Variants in DNM3 observed in about 807,000 individuals in gnomAD.
DNM3 encodes dynamin-3.
In DNM3, 47 loss-of-function variants were observed where a neutral mutation model predicts 101.6. The observed-to-expected ratio is 0.46, with a 90% confidence interval of 0.37 to 0.59. The LOEUF is 0.59. Ranked by LOEUF, DNM3 falls within the 20% of genes least tolerant of loss-of-function variation. The probability of loss-of-function intolerance (pLI) is 0.00; values close to 1 mark genes in which losing one functional copy is unlikely to be tolerated. For synonymous variants in DNM3, 385 were observed against 387.9 expected (o/e 0.99, Z 0.09); for missense variants, 849 against 1,085.7 (o/e 0.78, Z 3.06).
At chr1:171,980,568 AC>A (rs1203006502) in intron 2 of DNM3, among the ~76,000 whole-genome samples, 5 of 152,188 alleles carry the variant, frequency 3.3e-5, no homozygotes, top group African/African-American at 9.6e-5. Flanking sequence ...ATCTAGCTGT[AC>A]TTTTGTATCT....
chr1:172,336,468 C>T (rs1299371869), intron 17 of DNM3, among the ~76,000 whole-genome samples: 3 of 147,986 alleles, frequency 2.0e-5, no homozygotes, highest in East Asian at 3.9e-4. Flanking sequence ...ACAGGAAATA[C>T]ACAATTAAAG....
chr1:172,056,537 T>A (rs2050639900), intron 10 of DNM3, among the ~76,000 whole-genome samples: 2 of 152,166 alleles, frequency 1.3e-5, no homozygotes, highest in Admixed American at 6.5e-5. Flanking sequence ...CCCTGACCCC[T>A]GACCCCCGAG....
intron 1 of DNM3, among the ~76,000 whole-genome samples, chr1:171,896,504 C>T (rs945072014): frequency 6.6e-6 from 1 of 152,082 alleles, no homozygotes; most frequent in Admixed American, 6.5e-5. Flanking sequence ...ATTTTGTATC[C>T]TGAGACTTTG....
At chr1:172,057,887 G>C (rs1188625438) in intron 10 of DNM3, among the ~76,000 whole-genome samples, 1 of 136,884 alleles carries the variant, frequency 7.3e-6, no homozygotes, top group Admixed American at 7.5e-5. Context: ...CCAATTAAAA[G>C]ACACAGACTG....
chr1:171,974,994 G>A (rs1307864170), intron 2 of DNM3, among the ~76,000 whole-genome samples: 1 of 151,452 alleles, frequency 6.6e-6, no homozygotes, highest in Non-Finnish European at 1.5e-5. Flanking sequence ...AAGACTGCAC[G>A]TGCATGCCAC....
intron 15 of DNM3, among the ~76,000 whole-genome samples, chr1:172,261,087 T>A (rs1377270514): frequency 6.6e-6 from 1 of 152,150 alleles, no homozygotes; most frequent in Non-Finnish European, 1.5e-5. Flanking sequence ...GTTAGGACTA[T>A]AGGCACATGC....
At chr1:172,275,178 A>G (rs2063233858) in intron 15 of DNM3, among the ~76,000 whole-genome samples, 1 of 152,024 alleles carries the variant, frequency 6.6e-6, no homozygotes, top group Non-Finnish European at 1.5e-5. Flanking sequence ...CAAAGTGTAT[A>G]TCACTTATAT....
chr1:172,230,319 C>T (rs1033046342), intron 14 of DNM3, among the ~76,000 whole-genome samples: 1 of 152,156 alleles, frequency 6.6e-6, no homozygotes, highest in African/African-American at 2.4e-5. Context: ...CTCTGTCTTC[C>T]TCATCTCAGC....
intron 15 of DNM3, among the ~76,000 whole-genome samples, chr1:172,299,190 T>C (rs935328379): frequency 3.9e-5 from 6 of 152,114 alleles, no homozygotes; most frequent in African/African-American, 1.4e-4. Flanking sequence ...CACGAGGAAC[T>C]AAAGAAGTCC....
intron 16 of DNM3, among the ~76,000 whole-genome samples, chr1:172,313,159 G>T (rs115495709): frequency 6.6e-6 from 1 of 152,120 alleles, no homozygotes; most frequent in East Asian, 1.9e-4. Flanking sequence ...TCACTAAATT[G>T]AAATTACAAC....
At chr1:172,361,704 A>C (rs1042509485) in intron 17 of DNM3, among the ~76,000 whole-genome samples, 2 of 151,850 alleles carry the variant, frequency 1.3e-5, no homozygotes, top group Non-Finnish European at 2.9e-5. Context: ...TTCTCTCCTT[A>C]CCCTGAGCTC....
chr1:172,051,095 G>C (rs1170771615), intron 10 of DNM3, among the ~76,000 whole-genome samples: 1 of 152,108 alleles, frequency 6.6e-6, no homozygotes, highest in Non-Finnish European at 1.5e-5. Context: ...ACAAAATCTA[G>C]CTTTTCCCCT....
chr1:171,847,403 T>C (rs909291549), intron 1 of DNM3, among the ~76,000 whole-genome samples: 2 of 152,182 alleles, frequency 1.3e-5, no homozygotes, highest in African/African-American at 4.8e-5. Flanking sequence ...TGTACTGAAG[T>C]ATCTATGTCA....
chr1:171,934,781 A>G (rs1020306424), intron 2 of DNM3, among the ~76,000 whole-genome samples: 2 of 152,180 alleles, frequency 1.3e-5, no homozygotes, highest in African/African-American at 4.8e-5. Flanking sequence ...ATAACCCTAG[A>G]AAGTCTTATA....
intron 2 of DNM3, among the ~76,000 whole-genome samples, chr1:171,942,197 C>G (rs2041859156): frequency 1.8e-5 from 2 of 111,318 alleles, no homozygotes; most frequent in Non-Finnish European, 3.7e-5. Context: ...ATGCTGCTCA[C>G]TTGATTTTTT....
At chr1:172,014,331 A>G (rs1348888448) in intron 4 of DNM3, among the ~76,000 whole-genome samples, 2 of 152,208 alleles carry the variant, frequency 1.3e-5, no homozygotes, top group Non-Finnish European at 2.9e-5. Flanking sequence ...CAATTACTGA[A>G]TCATATGGTA....
intron 14 of DNM3, among the ~76,000 whole-genome samples, chr1:172,172,425 C>T (rs957145375): frequency 5.9e-4 from 89 of 151,544 alleles, no homozygotes; most frequent in African/African-American, 2.1e-3. Flanking sequence ...ATGGATACGT[C>T]GGACAGAGGG....
At chr1:172,012,463 A>G (rs1305555459) in intron 4 of DNM3, among the ~76,000 whole-genome samples, 1 of 152,074 alleles carries the variant, frequency 6.6e-6, no homozygotes. Context: ...AAAGATAAGA[A>G]GAAAATAGAT....
chr1:171,950,413 A>G (rs567725329), intron 2 of DNM3, among the ~76,000 whole-genome samples: 1 of 152,296 alleles, frequency 6.6e-6, no homozygotes, highest in East Asian at 1.9e-4. Context: ...AAACACTGAT[A>G]TTCTTCAGCA....
Sources: allele counts gnomAD v4.1 joint callset (sites outside exome capture counted in the v4.1 genomes callset), GRCh38; gene constraint gnomAD v4.1.1; transcripts MANE v1.5; gene names NCBI Gene and HGNC (gene_info 2026-07-23, HGNC 2026-07-21).